Variants in RGS20 observed in about 807,000 individuals in gnomAD.
The protein encoded by RGS20 is regulator of G protein signaling 20, also known as gz-selective GTPase-activating protein.
In RGS20, 30 loss-of-function variants were observed where a neutral mutation model predicts 33.6. The observed-to-expected ratio is 0.89, with a 90% CI of 0.67 to 1.21. The LOEUF is 1.21. RGS20 is among the 50% of genes most tolerant of loss of function. The pLI is 0.00. For synonymous variants in RGS20, 208 were observed against 197.9 expected, an observed-to-expected ratio of 1.05 and a Z score of -0.43; for missense variants, 472 against 502.4, an observed-to-expected ratio of 0.94 and a Z score of 0.58.
At chr8:53,857,773 C>A (rs1272289255) in intron 1 of RGS20, among the ~76,000 whole-genome samples, 3 of 152,028 alleles carry the variant, frequency 2.0e-5, no homozygotes, top group Admixed American at 2.0e-4. Context: ...TGCAAATATT[C>A]CAAAAGCTGA....
At chr8:53,854,884 A>G (rs1029212231) in intron 1 of RGS20, among the ~76,000 whole-genome samples, 1 of 152,214 alleles carries the variant, frequency 6.6e-6, no homozygotes, top group Non-Finnish European at 1.5e-5. Flanking sequence ...CCTTCAAGGG[A>G]TGAATGATTA....
At chr8:53,882,392 G>A (rs1034479344) in intron 2 of RGS20, among the ~76,000 whole-genome samples, 1 of 152,122 alleles carries the variant, frequency 6.6e-6, no homozygotes, top group African/African-American at 2.4e-5. Flanking sequence ...CAGGGCCAGC[G>A]AGCGACCCCA....
Position 53,879,275 on chromosome 8 carries a change from G to A in RGS20, c.183G>A (p.Gln61=). The stretch of plus-strand genomic sequence containing the variant: ...CACCCCAGTCCTTCCCGCCTGCACA[G>A]CTCCCAGACTCGCCCGCCGCCCCGA... The change falls in exon 2 of 6, where the codon CAG becomes CAA. Residue 61 remains glutamine, a synonymous_variant. Transcript: ENST00000297313. The A allele has an allele frequency of 1.2e-6, 2 of 1,613,730 alleles. No individual in the cohort carries two copies. Among genetic ancestry groups the A allele is most frequent in the Non-Finnish European group, 1.7e-6 (2 of 1,179,926 alleles).
chr8:53,879,491 G>T lies in RGS20; in HGVS notation c.399G>T (p.Ala133=), dbSNP rs757723458. 64 of 1,561,914 alleles carry T rather than the reference G, an allele frequency of 4.1e-5. No individual in the cohort carries two copies. The highest frequency in any genetic ancestry group is 5.1e-5 in the Non-Finnish European group (59 of 1,157,002). The stretch of plus-strand genomic sequence containing the variant: ...GCCGCCTCTCGCTCCTGCTCGGGGC[G>T]GCGCTGGCACTGCCCGGCCGACCCT... The change falls in exon 2 of 6, where the codon GCG becomes GCT. Residue 133 remains alanine, a synonymous_variant. Coordinates refer to ENST00000297313, the MANE Select transcript of RGS20 (RefSeq NM_170587.4).
chr8:53,864,199 G>T (rs189868839), intron 1 of RGS20, among the ~76,000 whole-genome samples: 1 of 151,904 alleles, frequency 6.6e-6, no homozygotes, highest in Admixed American at 6.6e-5. Context: ...GCCAAGGCAG[G>T]TGGATCACTT....
intron 2 of RGS20, among the ~76,000 whole-genome samples, chr8:53,909,699 C>T (rs944098299): frequency 1.3e-5 from 2 of 152,148 alleles, no homozygotes; most frequent in African/African-American, 4.8e-5. Context: ...TTGGAGGTTT[C>T]TTGCTTCTGG....
chr8:53,934,496 A>G (rs1814071495), intron 2 of RGS20, among the ~76,000 whole-genome samples: 1 of 152,228 alleles, frequency 6.6e-6, no homozygotes, highest in South Asian at 2.1e-4. Context: ...AACAATGATC[A>G]AAAAAGACAA....
At chr8:53,888,633 C>A (rs1812614612) in intron 2 of RGS20, among the ~76,000 whole-genome samples, 1 of 152,160 alleles carries the variant, frequency 6.6e-6, no homozygotes, top group Non-Finnish European at 1.5e-5. Flanking sequence ...CAAGCGTCCT[C>A]TGGGGCCAAA....
intron 2 of RGS20, among the ~76,000 whole-genome samples, chr8:53,911,751 T>C (rs930899065): frequency 6.6e-6 from 1 of 151,900 alleles, no homozygotes; most frequent in Non-Finnish European, 1.5e-5. Context: ...CTGGCCAACA[T>C]AACATGGTGA....
At chr8:53,868,195 T>G (rs1009673398) in intron 1 of RGS20, among the ~76,000 whole-genome samples, 1 of 152,210 alleles carries the variant, frequency 6.6e-6, no homozygotes, top group Non-Finnish European at 1.5e-5. Context: ...GAATTCCTAT[T>G]TGCTGAGGGT....
At chr8:53,952,017 CAG>C (rs1814721907) in intron 4 of RGS20, among the ~76,000 whole-genome samples, 1 of 148,304 alleles carries the variant, frequency 6.7e-6, no homozygotes, top group Non-Finnish European at 1.5e-5. Context: ...ACTAAAAAAA[CAG>C]AAATTAAAAA....
chr8:53,925,897 G>GA (rs748987962), intron 2 of RGS20, among the ~76,000 whole-genome samples: 47 of 152,172 alleles, frequency 3.1e-4, no homozygotes, highest in African/African-American at 1.1e-3. Context: ...ACTGCCCAAA[G>GA]AAAAAATACT....
At chr8:53,900,691 G>A (rs1812991406) in intron 2 of RGS20, among the ~76,000 whole-genome samples, 1 of 152,184 alleles carries the variant, frequency 6.6e-6, no homozygotes, top group South Asian at 2.1e-4. Flanking sequence ...TGGAGGCTTA[G>A]GAAGGTGAAG....
intron 4 of RGS20, among the ~76,000 whole-genome samples, chr8:53,947,844 G>A (rs7386089): frequency 1.5e-5 from 1 of 64,926 alleles, no homozygotes; most frequent in African/African-American, 6.2e-5. Flanking sequence ...GCTATATATA[G>A]GATATAGTAT....
intron 1 of RGS20, among the ~76,000 whole-genome samples, chr8:53,854,565 T>C (rs1811633380): frequency 6.8e-6 from 1 of 147,688 alleles, no homozygotes. Flanking sequence ...TGGAAAAAAA[T>C]AGTGACTATA....
chr8:53,931,087 G>A (rs954916357), intron 2 of RGS20, among the ~76,000 whole-genome samples: 5 of 152,254 alleles, frequency 3.3e-5, no homozygotes, highest in East Asian at 1.9e-4. Flanking sequence ...GTGGCTGACC[G>A]TGTGTCTCTG....
intron 1 of RGS20, among the ~76,000 whole-genome samples, chr8:53,857,186 A>G (rs1433206524): frequency 6.6e-6 from 1 of 152,224 alleles, no homozygotes; most frequent in African/African-American, 2.4e-5. Flanking sequence ...TCACAAACCT[A>G]TTGAGGAAAG....
At chr8:53,909,050 T>A (rs1448286415) in intron 2 of RGS20, among the ~76,000 whole-genome samples, 1 of 151,060 alleles carries the variant, frequency 6.6e-6, no homozygotes, top group Non-Finnish European at 1.5e-5. Context: ...TTTACATGAA[T>A]TATCATATTT....
chr8:53,889,032 T>C (rs1812625082), intron 2 of RGS20, among the ~76,000 whole-genome samples: 1 of 152,224 alleles, frequency 6.6e-6, no homozygotes. Context: ...TTCATGTCTT[T>C]TGATGAACTT....
Sources: allele counts gnomAD v4.1 joint callset (sites outside exome capture counted in the v4.1 genomes callset), GRCh38; gene constraint gnomAD v4.1.1; transcripts MANE v1.5; gene names NCBI Gene and HGNC (gene_info 2026-07-23, HGNC 2026-07-21).